The following RELN variants were observed in gnomAD, a reference collection of about 807,000 sequenced individuals.
The protein encoded by RELN is reelin.
RELN carries 108 observed loss-of-function variants against 427.6 expected under a neutral mutation model. That is an observed-to-expected ratio of 0.25 (90% CI 0.22 to 0.30). The LOEUF (loss-of-function observed/expected upper bound fraction) is 0.30, where lower values mean the gene tolerates loss of function less well. RELN is among the 10% of genes least tolerant of loss of function. RELN has a pLI of 1.00. For synonymous variants in RELN, 1,524 were observed against 1,513.4 expected, an observed-to-expected ratio of 1.01 and a Z score of -0.16; for missense variants, 3,715 against 4,302.8, an observed-to-expected ratio of 0.86 and a Z score of 3.82.
chr7:103,606,795 G>T (rs1220976299), intron 22 of RELN, among the ~76,000 whole-genome samples: 1 of 151,928 alleles, frequency 6.6e-6, no homozygotes, highest in South Asian at 2.1e-4. Context: ...TTTTAAAAAA[G>T]ATATTATTTC....
intron 53 of RELN, among the ~76,000 whole-genome samples, chr7:103,499,573 G>T (rs1828953816): frequency 6.6e-6 from 1 of 151,946 alleles, no homozygotes; most frequent in Admixed American, 6.6e-5. Flanking sequence ...TAGTTAAAAT[G>T]ATTTAAACAG....
At chr7:103,855,642 T>G (rs1240443622) in intron 2 of RELN, among the ~76,000 whole-genome samples, 1 of 152,172 alleles carries the variant, frequency 6.6e-6, no homozygotes, top group African/African-American at 2.4e-5. Flanking sequence ...GCAACATAAA[T>G]GTATTGTCTC....
At chr7:103,523,909 T>G (rs1158010985) in intron 46 of RELN, among the ~76,000 whole-genome samples, 1 of 152,104 alleles carries the variant, frequency 6.6e-6, no homozygotes, top group Non-Finnish European at 1.5e-5. Flanking sequence ...ACTCCTGACC[T>G]AAAGTGATCC....
intron 38 of RELN, among the ~76,000 whole-genome samples, chr7:103,554,626 T>C (rs1377730294): frequency 3.3e-5 from 5 of 150,504 alleles, no homozygotes; most frequent in African/African-American, 1.2e-4. Context: ...TAAATTGATA[T>C]ACCATGGAAC....
At chr7:103,492,631 G>T (rs1365812273) in intron 57 of RELN, among the ~76,000 whole-genome samples, 1 of 152,138 alleles carries the variant, frequency 6.6e-6, no homozygotes, top group Non-Finnish European at 1.5e-5. Context: ...GAAGGTTAGT[G>T]TTAAAAATTT....
At chr7:103,983,189 A>T (rs1319875554) in intron 1 of RELN, among the ~76,000 whole-genome samples, 4 of 152,206 alleles carry the variant, frequency 2.6e-5, no homozygotes, top group African/African-American at 4.8e-5. Flanking sequence ...ATTTGTACTG[A>T]TCCCCCTGCC....
At chr7:103,674,137 GCTCA>G (rs1316477969) in intron 11 of RELN, among the ~76,000 whole-genome samples, 1 of 151,934 alleles carries the variant, frequency 6.6e-6, no homozygotes, top group East Asian at 1.9e-4. Flanking sequence ...CAAATTTCCA[GCTCA>G]CTAATTTGTT....
chr7:103,513,393 C>CTTTTTTTTTTT (rs1203955550), intron 50 of RELN: 1 of 152,146 alleles, frequency 6.6e-6, no homozygotes, highest in African/African-American at 2.4e-5. Context: ...TCTGTGCTTA[C>CTTTTTTTTTTT]TTTTATTCAT....
intron 2 of RELN, among the ~76,000 whole-genome samples, chr7:103,887,725 G>C (rs1459962189): frequency 6.6e-6 from 1 of 152,044 alleles, no homozygotes; most frequent in African/African-American, 2.4e-5. Context: ...AGATGGGGAG[G>C]AGGTGCCCTG....
chr7:103,715,765 C>T (rs1461251632), intron 8 of RELN, among the ~76,000 whole-genome samples: 1 of 152,234 alleles, frequency 6.6e-6, no homozygotes, highest in African/African-American at 2.4e-5. Flanking sequence ...GGCCAAGCCA[C>T]ATTCCAACCA....
At chr7:103,826,516 G>A (rs1353526265) in intron 3 of RELN, among the ~76,000 whole-genome samples, 1 of 152,026 alleles carries the variant, frequency 6.6e-6, no homozygotes, top group African/African-American at 2.4e-5. Context: ...ATAATATGCT[G>A]CTGCTTGTAT....
chr7:103,632,219 G>C (rs1832485580), intron 19 of RELN, among the ~76,000 whole-genome samples: 2 of 152,190 alleles, frequency 1.3e-5, no homozygotes, highest in South Asian at 4.1e-4. Flanking sequence ...TGTAACTGTA[G>C]ATAAAGCACT....
intron 11 of RELN, among the ~76,000 whole-genome samples, chr7:103,664,616 C>T (rs930512425): frequency 6.6e-6 from 1 of 152,154 alleles, no homozygotes; most frequent in South Asian, 2.1e-4. Flanking sequence ...GTAGAAGGTT[C>T]CTGTTTCCCC....
At chr7:103,723,814 A>C (rs1349974140) in intron 7 of RELN, among the ~76,000 whole-genome samples, 1 of 152,042 alleles carries the variant, frequency 6.6e-6, no homozygotes, top group Non-Finnish European at 1.5e-5. Context: ...TTCTCAATAA[A>C]ACTGTTACCA....
intron 1 of RELN, among the ~76,000 whole-genome samples, chr7:103,955,296 A>G (rs1162914705): frequency 6.6e-6 from 1 of 152,214 alleles, no homozygotes. Flanking sequence ...AAAATCTCTT[A>G]TGACCCTATG....
intron 57 of RELN, among the ~76,000 whole-genome samples, chr7:103,494,868 A>C (rs1828787485): frequency 6.6e-6 from 1 of 152,076 alleles, no homozygotes; most frequent in Admixed American, 6.5e-5. Context: ...AAGAAAATAG[A>C]AAGATACACT....
At chr7:103,508,612 GCT>G (rs1829295206) in intron 51 of RELN, among the ~76,000 whole-genome samples, 1 of 109,216 alleles carries the variant, frequency 9.2e-6, no homozygotes, top group African/African-American at 3.0e-5. Flanking sequence ...CCCTCTCTTA[GCT>G]CTCTCTCTTA....
At chr7:103,534,196 T>C (rs1830000862) in intron 46 of RELN, among the ~76,000 whole-genome samples, 1 of 152,210 alleles carries the variant, frequency 6.6e-6, no homozygotes, top group Admixed American at 6.5e-5. Context: ...GACAAAACAA[T>C]AATAAGCCCA....
intron 2 of RELN, among the ~76,000 whole-genome samples, chr7:103,846,898 G>A (rs180813545): frequency 1.3e-4 from 20 of 152,264 alleles, no homozygotes; most frequent in South Asian, 4.1e-4. Context: ...TTAGAACGGC[G>A]ATCATTAAAG....
Sources: allele counts gnomAD v4.1 joint callset (sites outside exome capture counted in the v4.1 genomes callset), GRCh38; gene constraint gnomAD v4.1.1; transcripts MANE v1.5; gene names NCBI Gene and HGNC (gene_info 2026-07-23, HGNC 2026-07-21).